SCRN1: variants seen among roughly 807,000 people sequenced by gnomAD.
SCRN1 encodes the protein secernin-1.
Under a neutral mutation model 43.3 loss-of-function variants are expected in SCRN1, and 19 were observed. The observed-to-expected ratio is 0.44, with a 90% CI of 0.31 to 0.64. The LOEUF is 0.64. Among genes scored for constraint, SCRN1 ranks in the 30% least tolerant of loss-of-function variants. The probability of loss-of-function intolerance (pLI) is 0.09; values close to 1 mark genes in which losing one functional copy is unlikely to be tolerated. For synonymous variants in SCRN1, 183 were observed against 188.9 expected (o/e 0.97, Z 0.26); for missense variants, 447 against 524.1 (o/e 0.85, Z 1.44).
rs1788580389 is a variant in SCRN1 at position 29,968,905 on chromosome 7, T to C, written c.159+4A>G. On this transcript the variant is annotated splice_donor_region_variant and intron_variant, in intron 2 of 7. Coordinates refer to ENST00000242059, the MANE Select transcript of SCRN1 (RefSeq NM_014766.5). ...GACTCGCGAGACTGCAATGCACGGC[T>C]TACCTCAACCTTGCTCTCCGGTTCG... The C allele has an allele frequency of 6.2e-6, 10 of 1,614,000 alleles. No homozygotes were observed. Among genetic ancestry groups the C allele is most frequent in the Non-Finnish European group, 8.5e-6 (10 of 1,180,026 alleles).
chr7:29,974,700 T>G (rs1239710236), intron 1 of SCRN1, among the ~76,000 whole-genome samples: 1 of 151,118 alleles, frequency 6.6e-6, no homozygotes, highest in East Asian at 1.9e-4. Flanking sequence ...TTTTTTTTTT[T>G]TGAGATGGAG....
chr7:29,941,240 C>CA (rs1787537078), intron 4 of SCRN1, among the ~76,000 whole-genome samples: 1 of 152,192 alleles, frequency 6.6e-6, no homozygotes, highest in South Asian at 2.1e-4. Flanking sequence ...ACTGAGCTAA[C>CA]AAGACTTAGC....
chr7:29,947,161 C>T, intron 3 of SCRN1: 5 of 1,545,296 alleles, frequency 3.2e-6, no homozygotes, highest in Non-Finnish European at 4.4e-6. Context: ...AGTTCGAATT[C>T]TTCCAAAGTG....
chr7:29,989,922 A>C, upstream of SCRN1: 1 of 1,086,774 alleles, frequency 9.2e-7, no homozygotes, highest in Non-Finnish European at 1.1e-6. Context: ...GTCTGGCTGC[A>C]CGGGCCGCGG....
chr7:29,942,778 G>C (rs1787601170), intron 4 of SCRN1, among the ~76,000 whole-genome samples: 1 of 152,116 alleles, frequency 6.6e-6, no homozygotes, highest in Admixed American at 6.5e-5. Context: ...ACACCCTTTT[G>C]AGATAGAAAG....
intron 1 of SCRN1, among the ~76,000 whole-genome samples, chr7:29,973,342 AT>A (rs539638257): frequency 2.6e-4 from 40 of 152,288 alleles, no homozygotes; most frequent in South Asian, 1.9e-3. Flanking sequence ...TCCTAAATGA[AT>A]TTTTGACACC....
rs1786741810 is a variant in SCRN1 at position 29,921,136 on chromosome 7, TTC to T, written c.*2819_*2820del. ...ATGGGGCAAGGGAGTGGGGGAGAGA[TTC>T]TGTCCTTTCTGGCTATGGCTTCTTT... On this transcript the variant is annotated 3_prime_UTR_variant, in exon 8 of 8. Transcript: ENST00000242059. 2 of 152,644 alleles carry T rather than the reference TTC, an allele frequency of 1.3e-5. 1 individual carries two copies. Among genetic ancestry groups the T allele is most frequent in the Admixed American group, 1.3e-4 (2 of 15,276 alleles). The allele number at this position is 152,644 out of a possible 1,614,324, so 9.5% of individuals were successfully genotyped here.
intron 3 of SCRN1, among the ~76,000 whole-genome samples, chr7:29,949,430 G>A (rs1405932295): frequency 6.8e-6 from 1 of 146,924 alleles, no homozygotes; most frequent in East Asian, 2.0e-4. Flanking sequence ...CCAGGCTGGA[G>A]TGCAGTGGCA....
In SCRN1 at chr7:29,940,890, A is replaced by G; in HGVS notation, c.545-14T>C. On this transcript the variant is annotated splice_polypyrimidine_tract_variant and intron_variant, in intron 4 of 7. Transcript: ENST00000242059. ...ACCTCACTCCCTCTGCAGAGAGTGC[A>G]AAGCCCCATAAGTTAAAAATATACT... is the stretch of plus-strand genomic sequence containing the variant. The G allele has an allele frequency of 6.7e-7, 1 of 1,484,120 alleles. No homozygotes were observed. Among genetic ancestry groups the G allele is most frequent in the Non-Finnish European group, 8.9e-7 (1 of 1,121,354 alleles). 91.9% of individuals were successfully genotyped at this position (1,484,120 alleles called of 1,614,324 possible). A position where few individuals can be genotyped will look rare whatever the true frequency, so the allele number is the denominator to read the frequency against.
intron 2 of SCRN1, among the ~76,000 whole-genome samples, chr7:29,961,657 C>G (rs1441412294): frequency 1.3e-5 from 2 of 151,498 alleles, no homozygotes; most frequent in African/African-American, 4.9e-5. Flanking sequence ...CGGGCAGAGG[C>G]GCCCCTCACC....
rs187152835 is a variant in SCRN1 at position 29,927,032 on chromosome 7, T to C, written c.906-400A>G. On this transcript the variant is annotated intron_variant, in intron 6 of 7. Coordinates refer to ENST00000242059, the MANE Select transcript of SCRN1 (RefSeq NM_014766.5). ...ATACCGTGGTCTGAGAAGCAGCCTT[T>C]GGGAAAGGAAGGGCCTTTTGGTTTG... 3.1e-3 allele frequency among the ~76,000 whole-genome samples: 467 copies of C among 151,766 alleles called. 1 individual carries two copies. The highest frequency in any genetic ancestry group is 0.011 in the African/African-American group (454 of 41,408).
chr7:29,934,613 G>A (rs558111298), intron 6 of SCRN1, among the ~76,000 whole-genome samples: 37 of 152,360 alleles, frequency 2.4e-4, no homozygotes, highest in African/African-American at 8.4e-4. Flanking sequence ...GGAGGAGGGA[G>A]GCCCAGACAC....
chr7:29,968,578 A>G (rs1251024657), intron 2 of SCRN1, among the ~76,000 whole-genome samples: 2 of 152,214 alleles, frequency 1.3e-5, no homozygotes, highest in African/African-American at 4.8e-5. Flanking sequence ...CTTCCAAAAC[A>G]TGATTACCTA....
intron 1 of SCRN1, among the ~76,000 whole-genome samples, chr7:29,986,407 A>G (rs1384495828): frequency 6.6e-6 from 1 of 152,308 alleles, no homozygotes; most frequent in African/African-American, 2.4e-5. Context: ...ATGATATTTT[A>G]AATTCTTTCT....
rs769175417 is a variant in SCRN1, at chr7:29,926,555, T to C, written c.983A>G (p.Asp328Gly). The C allele has an allele frequency of 1.2e-6, 2 of 1,614,174 alleles. No individual in the cohort carries two copies. Among genetic ancestry groups the C allele is most frequent in the South Asian group, 2.2e-5 (2 of 91,088 alleles). Residue 328 changes from aspartate (D) to glycine (G), a missense_variant, in exon 7 of 8, where the codon GAC (aspartate) becomes GGC (glycine). Physicochemically the swap from Asp to Gly is moderately conservative, Grantham distance 94. Coordinates refer to ENST00000242059, the MANE Select transcript of SCRN1 (RefSeq NM_014766.5). ...CCGAGGCTCCTTTTTGGCAGGGTCG[T>C]CATCCCCAAAACAGGGAGACTGTGT... is the stretch of plus-strand genomic sequence containing the variant. ...PKTQSPCFGD[D>G]DPAKKEPRFQ... is the part of the protein sequence containing the mutation.
At chr7:29,985,648 C>A (rs1789125638) in intron 1 of SCRN1, among the ~76,000 whole-genome samples, 2 of 152,106 alleles carry the variant, frequency 1.3e-5, no homozygotes, top group Admixed American at 1.3e-4. Flanking sequence ...TGCTATTTCT[C>A]CATCCTAGCT....
intron 6 of SCRN1, among the ~76,000 whole-genome samples, chr7:29,927,052 G>A (rs561762023): frequency 6.6e-5 from 10 of 151,818 alleles, no homozygotes; most frequent in African/African-American, 2.2e-4. Context: ...AGGGCCTTTT[G>A]GTTTGGGTTT....
intron 4 of SCRN1, 101 bp from the exon 5 acceptor site, chr7:29,940,977 T>A: frequency 1.0e-6 from 1 of 981,208 alleles, no homozygotes; most frequent in Non-Finnish European, 1.4e-6. Flanking sequence ...ACACTGACTT[T>A]AACTACAGGG....
chr7:29,926,396 G>A (rs930450068), intron 7 of SCRN1, 56 bp downstream of exon 7: 57 of 1,574,710 alleles, frequency 3.6e-5, no homozygotes, highest in Middle Eastern at 2.2e-4. Context: ...CTCCTTCCTC[G>A]CTGACCTCGC....
Sources: gnomAD v4.1 joint callset for allele counts (sites outside exome capture counted in the v4.1 genomes callset) on GRCh38, gnomAD v4.1.1 for gene constraint, MANE v1.5 for transcripts, NCBI Gene and HGNC (gene_info 2026-07-23, HGNC 2026-07-21) for gene names.